The following CD28 variants were observed in gnomAD, a reference collection of about 807,000 sequenced individuals.
The protein encoded by CD28 is CD28 molecule.
CD28 carries 8 observed loss-of-function variants against 21.4 expected under a neutral mutation model. The ratio of observed to expected loss-of-function variants is 0.37; its 90% CI spans 0.22 to 0.68. The LOEUF (loss-of-function observed/expected upper bound fraction) is 0.68, where lower values mean the gene tolerates loss of function less well. Ranked by LOEUF, CD28 falls within the 30% of genes least tolerant of loss-of-function variation. CD28 has a pLI of 0.55. For missense variants in CD28, 239 were observed against 272.2 expected, an observed-to-expected ratio of 0.88 and a Z score of 0.86; for synonymous variants, 106 against 104.0, an observed-to-expected ratio of 1.02 and a Z score of -0.12.
At position 203,726,615 on chromosome 2, in the gene CD28, G is replaced by T; in HGVS notation, c.53-18G>T. The stretch of plus-strand genomic sequence containing the variant: ...CCTTATATTCTTGTTCTAAGCAAAT[G>T]ATTTTTTTTTCCCCCAGGAAACAAG... On this transcript the variant is annotated intron_variant, in intron 1 of 3. Transcript: ENST00000324106. The T allele has an allele frequency of 1.3e-6, 2 of 1,564,254 alleles. No homozygotes were observed. Among genetic ancestry groups the T allele is most frequent in the South Asian group, 1.1e-5 (1 of 88,010 alleles).
chr2:203,711,085 G>A (rs745690304), intron 1 of CD28, among the ~76,000 whole-genome samples: 4 of 152,070 alleles, frequency 2.6e-5, no homozygotes, highest in South Asian at 2.1e-4. Flanking sequence ...TTATTTGGCC[G>A]TTTTTGGCCA....
Position 203,735,252 on chromosome 2 carries a change from A to C in CD28, c.*340A>C, listed in dbSNP as rs1694001780. 1 of 255,060 alleles carries C rather than the reference A, an allele frequency of 3.9e-6. No individual in the cohort carries two copies. Among genetic ancestry groups the C allele is most frequent in the Admixed American group, 5.1e-5 (1 of 19,580 alleles). The allele number at this position is 255,060 out of a possible 1,614,324, so 15.8% of individuals were successfully genotyped here. A position where few individuals can be genotyped will look rare whatever the true frequency, so the allele number is the denominator to read the frequency against. On this transcript the variant is annotated 3_prime_UTR_variant, in exon 4 of 4. Transcript: ENST00000324106. Reference sequence around the variant, plus strand: ...CCTTTCTCACTCACCTGCACATCTCAGTCAAGCAAAGTGTGGTATCCACAG... The same window carrying C: ...CCTTTCTCACTCACCTGCACATCTCCGTCAAGCAAAGTGTGGTATCCACAG...
chr2:203,735,227 C>A lies in CD28; in HGVS notation c.*315C>A. On this transcript the variant is annotated 3_prime_UTR_variant, in exon 4 of 4. Transcript: ENST00000324106. ...GGGAGTGGATTCTGGGAGCCTCTTC[C>A]CTTTCTCACTCACCTGCACATCTCA... is the stretch of plus-strand genomic sequence containing the variant. 3.1e-6 allele frequency: 1 copy of A among 317,594 alleles called. No homozygotes were observed. Among genetic ancestry groups the A allele is most frequent in the Non-Finnish European group, 5.8e-6 (1 of 171,848 alleles). 19.7% of individuals were successfully genotyped at this position (317,594 alleles called of 1,614,324 possible).
At chr2:203,722,533 C>T (rs759813304) in intron 1 of CD28, among the ~76,000 whole-genome samples, 17 of 152,190 alleles carry the variant, frequency 1.1e-4, no homozygotes, top group Non-Finnish European at 2.1e-4. Context: ...AGCCGAATCA[C>T]CATCTTTCAC....
intron 1 of CD28, among the ~76,000 whole-genome samples, chr2:203,717,226 C>G (rs753746312): frequency 6.6e-6 from 1 of 152,044 alleles, no homozygotes; most frequent in East Asian, 1.9e-4. Context: ...AAACTAAAAC[C>G]TCTTTAGATT....
chr2:203,729,887 C>A, intron 3 of CD28, 115 bp downstream of exon 3: 1 of 1,068,372 alleles, frequency 9.4e-7, no homozygotes, highest in South Asian at 1.6e-5. Context: ...TGATGATTTT[C>A]TTTTCCCCAT....
intron 1 of CD28, among the ~76,000 whole-genome samples, chr2:203,716,638 G>T (rs1024210330): frequency 6.6e-6 from 1 of 152,118 alleles, no homozygotes; most frequent in Non-Finnish European, 1.5e-5. Context: ...AGGTCTTGGT[G>T]CTCATATGGG....
chr2:203,721,536 C>T (rs1396844912), intron 1 of CD28, among the ~76,000 whole-genome samples: 4 of 152,054 alleles, frequency 2.6e-5, no homozygotes, highest in Non-Finnish European at 4.4e-5. Context: ...TAACTCACCC[C>T]AGCCCAAACA....
chr2:203,718,011 G>A (rs951373961), intron 1 of CD28, among the ~76,000 whole-genome samples: 2 of 152,144 alleles, frequency 1.3e-5, no homozygotes, highest in African/African-American at 4.8e-5. Context: ...ATTTCTGGGA[G>A]AGAGAGGCTG....
chr2:203,728,724 T>G lies in CD28; in HGVS notation c.410-924T>G, dbSNP rs549722712. ...TTAAAAAATTATGCTATTTTGCTTG[T>G]AGCTAAGAGTGAAATATTTTTTCCT... On this transcript the variant is annotated intron_variant, in intron 2 of 3. Coordinates refer to ENST00000324106, the MANE Select transcript of CD28 (RefSeq NM_006139.4). 3.3e-5 allele frequency among the ~76,000 whole-genome samples: 5 copies of G among 152,336 alleles called. No individual in the cohort carries two copies. In the South Asian group the frequency reaches 1.0e-3, roughly 32 times the overall value.
intron 1 of CD28, among the ~76,000 whole-genome samples, chr2:203,725,679 A>C (rs1693724483): frequency 6.6e-6 from 1 of 152,206 alleles, no homozygotes; most frequent in African/African-American, 2.4e-5. Context: ...ATGATGGACC[A>C]GAGAGATAAC....
chr2:203,718,009 G>A (rs1693506157), intron 1 of CD28, among the ~76,000 whole-genome samples: 1 of 152,098 alleles, frequency 6.6e-6, no homozygotes, highest in Non-Finnish European at 1.5e-5. Context: ...GAATTTCTGG[G>A]AGAGAGAGGC....
intron 1 of CD28, among the ~76,000 whole-genome samples, chr2:203,707,441 A>G (rs1463346203): frequency 1.3e-5 from 2 of 152,172 alleles, no homozygotes; most frequent in African/African-American, 4.8e-5. Context: ...ATAAATGTGA[A>G]CTGTAATTAC....
At chr2:203,728,607 T>C (rs1485967858) in intron 2 of CD28, among the ~76,000 whole-genome samples, 1 of 152,222 alleles carries the variant, frequency 6.6e-6, no homozygotes, top group African/African-American at 2.4e-5. Context: ...TAGAGACAAT[T>C]AATGTGTGAA....
Position 203,729,769 on chromosome 2 carries a change from C to G in CD28, c.531C>G (p.Phe177Leu). ...SLLVTVAFIIFWVRSKRSRLL... is the reference protein window; with the variant it reads ...SLLVTVAFIILWVRSKRSRLL... ...TAGTAACAGTGGCCTTTATTATTTT[C>G]TGGGTAAGAGAAGCAGCACTGCTTT... Residue 177 changes from phenylalanine to leucine, a missense_variant, in exon 3 of 4, where the codon TTC becomes TTG. Physicochemically the swap from Phe to Leu is conservative, Grantham distance 22 (BLOSUM62 0). Around this residue, in one of 3 missense-constraint regions of CD28, gnomAD observed 112 missense variants for 112.8 expected, o/e 0.99. Coordinates refer to ENST00000324106, the MANE Select transcript of CD28 (RefSeq NM_006139.4). The G allele has an allele frequency of 6.2e-7, 1 of 1,613,270 alleles. No individual in the cohort carries two copies. Among genetic ancestry groups the G allele is most frequent in the South Asian group, 1.1e-5 (1 of 90,882 alleles).
rs1318897727 is a variant in CD28 at position 203,737,509 on chromosome 2, T to G, written c.*2597T>G. On this transcript the variant is annotated 3_prime_UTR_variant, in exon 4 of 4. Transcript: ENST00000324106. ...ACTGGAAAAATAGGCCTACTAAAGA[T>G]GAATCACACTTGAGATGTTTCTTAC... 1 of 152,516 alleles carries G rather than the reference T, an allele frequency of 6.6e-6. No individual in the cohort carries two copies. The highest frequency in any genetic ancestry group is 6.5e-5 in the Admixed American group (1 of 15,272). The allele number at this position is 152,516 out of a possible 1,614,324, so 9.4% of individuals were successfully genotyped here.
chr2:203,709,798 G>C (rs1693263023), intron 1 of CD28, among the ~76,000 whole-genome samples: 1 of 152,164 alleles, frequency 6.6e-6, no homozygotes, highest in African/African-American at 2.4e-5. Flanking sequence ...AGTGTGAAGA[G>C]AAAAATCAGC....
chr2:203,728,767 C>T (rs897096772), intron 2 of CD28, among the ~76,000 whole-genome samples: 5 of 152,052 alleles, frequency 3.3e-5, no homozygotes, highest in Non-Finnish European at 7.4e-5. Context: ...AGGCATGCTA[C>T]TTTAGGATAG....
intron 1 of CD28, among the ~76,000 whole-genome samples, chr2:203,723,895 A>C (rs1693674101): frequency 6.6e-6 from 1 of 152,242 alleles, no homozygotes; most frequent in South Asian, 2.1e-4. Flanking sequence ...GCTGGCAAAT[A>C]CCTAAGAGAG....
Sources: allele counts gnomAD v4.1 joint callset (sites outside exome capture counted in the v4.1 genomes callset), GRCh38; gene constraint gnomAD v4.1.1; regional missense constraint gnomAD v4.1.1; transcripts MANE v1.5; gene names NCBI Gene and HGNC (gene_info 2026-07-23, HGNC 2026-07-21).